OR8K3: variants seen among roughly 807,000 people sequenced by gnomAD.
OR8K3 encodes olfactory receptor 8K3.
For synonymous variants in OR8K3, 167 were observed against 138.8 expected (o/e 1.20, Z -1.43); for missense variants, 448 against 367.4 (o/e 1.22, Z -1.79).
chr11:56,318,398 T>C lies in OR8K3; in HGVS notation c.92T>C (p.Phe31Ser), dbSNP rs1565108213. The change falls in exon 3 of 3, where the codon TTC becomes TCC. Residue 31 changes from phenylalanine (F) to serine (S), a missense_variant. By Grantham distance (155) the Phe-to-Ser change is radical. Coordinates refer to ENST00000641662, the MANE Select transcript of OR8K3 (RefSeq NM_001005202.2). ...AELQAPLFAL[F>S]LMIYVISVMG... ...CTGCAGGCACCATTATTTGCATTGTTCCTCATGATCTATGTGATCTCAGTG... is the reference window on the plus strand; with the variant it reads ...CTGCAGGCACCATTATTTGCATTGTCCCTCATGATCTATGTGATCTCAGTG... The C allele has an allele frequency of 1.2e-6, 2 of 1,613,608 alleles. No homozygotes were observed. The highest frequency in any genetic ancestry group is 1.7e-6 in the Non-Finnish European group (2 of 1,179,680).
At chr11:56,316,094 C>A (rs1318950460) in intron 2 of OR8K3, 37 bp downstream of exon 2, 1 of 151,798 alleles carries the variant, frequency 6.6e-6, no homozygotes, top group Non-Finnish European at 1.5e-5. Context: ...TTCTAAATTG[C>A]CAAACTGTAC....
chr11:56,317,610 A>G (rs1378017009), intron 2 of OR8K3, among the ~76,000 whole-genome samples: 1 of 152,118 alleles, frequency 6.6e-6, no homozygotes, highest in East Asian at 1.9e-4. Context: ...GGTTTTATGC[A>G]TTTTTGGAAT....
chr11:56,315,975 A>T (rs1288507727), intron 1 of OR8K3, 25 bp from the exon 2 acceptor site: 21 of 152,052 alleles, frequency 1.4e-4, no homozygotes. Context: ...AAATATGAAA[A>T]AAAGCAATCT....
chr11:56,316,735 C>T (rs1198443017), intron 2 of OR8K3, among the ~76,000 whole-genome samples: 3 of 151,562 alleles, frequency 2.0e-5, no homozygotes, highest in African/African-American at 7.3e-5. Context: ...ATCCTTTTAC[C>T]CAAAAAGTAG....
In OR8K3 at chr11:56,320,514, C is replaced by T. The variant is rs1167633571; in HGVS notation, c.*1269C>T. ...AATTTATTGAAAGTATCAGAGTCTA[C>T]AATATTTTCTTGGTTCACCATCATA... is the stretch of plus-strand genomic sequence containing the variant. On this transcript the variant is annotated 3_prime_UTR_variant, in exon 3 of 3. Coordinates refer to ENST00000641662, the MANE Select transcript of OR8K3 (RefSeq NM_001005202.2). 1 of 152,088 alleles carries T rather than the reference C, an allele frequency of 6.6e-6. No individual in the cohort carries two copies. Among genetic ancestry groups the T allele is most frequent in the Non-Finnish European group, 1.5e-5 (1 of 68,022 alleles). 9.4% of individuals were successfully genotyped at this position (152,088 alleles called of 1,614,324 possible). A position where few individuals can be genotyped will look rare whatever the true frequency, so the allele number is the denominator to read the frequency against.
rs994326365 is a variant in OR8K3 at position 56,319,470 on chromosome 11, A to T, written c.*225A>T. Reference sequence around the variant, plus strand: ...TGTATTCACAATAAGTCCATTTTATATAACAGTAGAATGTGCACGATGGAT... The same window carrying T: ...TGTATTCACAATAAGTCCATTTTATTTAACAGTAGAATGTGCACGATGGAT... On this transcript the variant is annotated 3_prime_UTR_variant, in exon 3 of 3. Coordinates refer to ENST00000641662, the MANE Select transcript of OR8K3 (RefSeq NM_001005202.2). 1 of 514,148 alleles carries T rather than the reference A, an allele frequency of 1.9e-6. No homozygotes were observed. The allele number at this position is 514,148 out of a possible 1,614,324, so 31.8% of individuals were successfully genotyped here.
chr11:56,317,805 CTT>C (rs1349485030), intron 2 of OR8K3, among the ~76,000 whole-genome samples: 14 of 152,088 alleles, frequency 9.2e-5, no homozygotes, highest in African/African-American at 2.2e-4. Flanking sequence ...ATCTGTATCT[CTT>C]TCTCTCTCTC....
chr11:56,319,476 G>A lies in OR8K3; in HGVS notation c.*231G>A, dbSNP rs988839999. The stretch of plus-strand genomic sequence containing the variant: ...CACAATAAGTCCATTTTATATAACA[G>A]TAGAATGTGCACGATGGATATAGAC... On this transcript the variant is annotated 3_prime_UTR_variant, in exon 3 of 3. Coordinates refer to ENST00000641662, the MANE Select transcript of OR8K3 (RefSeq NM_001005202.2). 8 of 492,776 alleles carry A rather than the reference G, an allele frequency of 1.6e-5. No homozygotes were observed. Among genetic ancestry groups the A allele is most frequent in the Non-Finnish European group, 2.9e-5 (8 of 277,032 alleles). 30.5% of individuals were successfully genotyped at this position (492,776 alleles called of 1,614,324 possible).
At chr11:56,317,275 A>T (rs1037453500) in intron 2 of OR8K3, among the ~76,000 whole-genome samples, 7 of 152,154 alleles carry the variant, frequency 4.6e-5, no homozygotes, top group Non-Finnish European at 1.0e-4. Flanking sequence ...GCAAAGACAC[A>T]TTGAATCACT....
intron 2 of OR8K3, among the ~76,000 whole-genome samples, chr11:56,317,665 A>T (rs1854461544): frequency 6.6e-6 from 1 of 152,182 alleles, no homozygotes; most frequent in Admixed American, 6.6e-5. Context: ...ATTATGTCAC[A>T]ATTTTAATCT....
rs1171693303 is a variant in OR8K3, at chr11:56,319,911, T to C, written c.*666T>C. 2 of 152,254 alleles carry C rather than the reference T, an allele frequency of 1.3e-5. No homozygotes were observed. The highest frequency in any genetic ancestry group is 2.4e-5 in the African/African-American group (1 of 41,466). 9.4% of individuals were successfully genotyped at this position (152,254 alleles called of 1,614,324 possible). ...CGGTAAATTCTGATTAGCACCTGAT[T>C]TTGTTTCAGTTAGCCCATTCTGTTT... On this transcript the variant is annotated 3_prime_UTR_variant, in exon 3 of 3. Transcript: ENST00000641662.
chr11:56,316,909 A>G (rs990191896), intron 2 of OR8K3, among the ~76,000 whole-genome samples: 1 of 152,034 alleles, frequency 6.6e-6, no homozygotes, highest in Admixed American at 6.6e-5. Flanking sequence ...AACTATGGGA[A>G]GATTAATGTT....
At position 56,319,114 on chromosome 11, in the gene OR8K3, GA is replaced by G; in HGVS notation, c.809del (p.Asp270ValfsTer15). Reference sequence around the variant, plus strand: ...CAAGTCCAGTCATTCCTTTGACACTGATAAAGTGGCTTCCATATTTTACACC... The same window carrying G: ...CAAGTCCAGTCATTCCTTTGACACTGTAAAGTGGCTTCCATATTTTACACC... The part of the protein sequence containing the change: ...QPKSSHSFDT[D>X]KVASIFYTLV... On this transcript the variant is annotated frameshift_variant, in exon 3 of 3. Transcript: ENST00000641662. LOFTEE classifies it low-confidence loss of function (END_TRUNC). 2 of 1,613,936 alleles carry G rather than the reference GA, an allele frequency of 1.2e-6. No individual in the cohort carries two copies. The highest frequency in any genetic ancestry group is 2.2e-5 in the South Asian group (2 of 91,084).
At chr11:56,315,556 C>G (rs1854432063) in intron 1 of OR8K3, among the ~76,000 whole-genome samples, 1 of 152,066 alleles carries the variant, frequency 6.6e-6, no homozygotes, top group South Asian at 2.1e-4. Flanking sequence ...GAAACTGCAA[C>G]TATTTGGTCA....
Position 56,319,019 on chromosome 11 carries a change from C to G in OR8K3, c.713C>G (p.Ser238Cys). ...MNSAGRQKAF[S>C]TCGAHLTVVI... ...TCTGCTGGCAGACAAAAGGCTTTTT[C>G]TACCTGTGGAGCCCACCTGACAGTG... The change falls in exon 3 of 3, where the codon TCT (serine) becomes TGT (cysteine). Residue 238 changes from serine to cysteine, a missense_variant. Coordinates refer to ENST00000641662, the MANE Select transcript of OR8K3 (RefSeq NM_001005202.2). The G allele has an allele frequency of 6.2e-7, 1 of 1,614,130 alleles. No individual in the cohort carries two copies.
Position 56,318,824 on chromosome 11 carries a change from T to C in OR8K3, c.518T>C (p.Val173Ala), listed in dbSNP as rs1364582739. ...ACTTTATCCTTCTGTGGCTACAACG[T>C]CATTAGTCATTTCTACTGTGACAGT... is the stretch of plus-strand genomic sequence containing the variant. Reference protein sequence around the residue: ...IFTLSFCGYNVISHFYCDSLP... With the variant: ...IFTLSFCGYNAISHFYCDSLP... Residue 173 changes from valine to alanine, a missense_variant, in exon 3 of 3, where the codon GTC becomes GCC. Physicochemically the swap from Val to Ala is moderately conservative, Grantham distance 64. Coordinates refer to ENST00000641662, the MANE Select transcript of OR8K3 (RefSeq NM_001005202.2). 6.2e-7 allele frequency: 1 copy of C among 1,614,024 alleles called. No homozygotes were observed. Among genetic ancestry groups the C allele is most frequent in the Admixed American group, 1.7e-5 (1 of 59,996 alleles).
Position 56,319,264 on chromosome 11 carries a change from C to A in OR8K3, c.*19C>A. ...TGTTTAAATTTTGTACAATATGATTCCTATAAATTAGGTTATGGGCATGAA... is the reference window on the plus strand; with the variant it reads ...TGTTTAAATTTTGTACAATATGATTACTATAAATTAGGTTATGGGCATGAA... On this transcript the variant is annotated 3_prime_UTR_variant, in exon 3 of 3. Coordinates refer to ENST00000641662, the MANE Select transcript of OR8K3 (RefSeq NM_001005202.2). 1 of 1,417,038 alleles carries A rather than the reference C, an allele frequency of 7.1e-7. No individual in the cohort carries two copies. The highest frequency in any genetic ancestry group is 1.2e-5 in the South Asian group (1 of 83,264). 87.8% of individuals were successfully genotyped at this position (1,417,038 alleles called of 1,614,324 possible).
chr11:56,316,515 G>A (rs145554053), intron 2 of OR8K3, among the ~76,000 whole-genome samples: 75 of 151,742 alleles, frequency 4.9e-4, no homozygotes, highest in African/African-American at 1.8e-3. Flanking sequence ...TGGGTTATTG[G>A]GGGATATTTA....
Position 56,318,981 on chromosome 11 carries a change from T to A in OR8K3, c.675T>A (p.Ile225=), listed in dbSNP as rs759505273. The part of the protein sequence containing the change: ...LLSYLLILVA[I]LRMNSAGRQK... Reference sequence around the variant, plus strand: ...CTTACCTGCTCATCCTTGTAGCCATTCTCAGGATGAATTCTGCTGGCAGAC... The same window carrying A: ...CTTACCTGCTCATCCTTGTAGCCATACTCAGGATGAATTCTGCTGGCAGAC... The change falls in exon 3 of 3, where the codon ATT becomes ATA. Residue 225 remains isoleucine, a synonymous_variant. Coordinates refer to ENST00000641662, the MANE Select transcript of OR8K3 (RefSeq NM_001005202.2). 8 of 1,614,076 alleles carry A rather than the reference T, an allele frequency of 5.0e-6. No individual in the cohort carries two copies. The African/African-American group carries it at 1.1e-4, about 22-fold the overall frequency.
Sources: allele counts gnomAD v4.1 joint callset (sites outside exome capture counted in the v4.1 genomes callset), GRCh38; gene constraint gnomAD v4.1.1; transcripts MANE v1.5; gene names NCBI Gene and HGNC (gene_info 2026-07-23, HGNC 2026-07-21).